PLCZ1: variants seen among roughly 807,000 people sequenced by gnomAD.
The protein encoded by PLCZ1 is phospholipase C zeta 1.
Under a neutral mutation model 76.8 loss-of-function variants are expected in PLCZ1, and 64 were observed. That is an observed-to-expected ratio of 0.83 (90% CI 0.68 to 1.03). The LOEUF (loss-of-function observed/expected upper bound fraction) is 1.03. Ranked by LOEUF, PLCZ1 falls within the 50% of genes least tolerant of loss-of-function variation. The pLI is 0.00. For missense variants in PLCZ1, 751 were observed against 713.7 expected, an observed-to-expected ratio of 1.05 and a Z score of -0.60; for synonymous variants, 248 against 230.8, an observed-to-expected ratio of 1.07 and a Z score of -0.68.
At chr12:18,683,520 CA>C in intron 14 of PLCZ1, 196 bp from the exon 15 acceptor site, 1 of 1,512,904 alleles carries the variant, frequency 6.6e-7, no homozygotes, top group Non-Finnish European at 8.9e-7. Flanking sequence ...CCTAACTGCC[CA>C]AAACTGAATA....
At chr12:18,730,295 AAT>A (rs1958971396) in intron 3 of PLCZ1, among the ~76,000 whole-genome samples, 1 of 152,124 alleles carries the variant, frequency 6.6e-6, no homozygotes, top group African/African-American at 2.4e-5. Context: ...TAAGCAGCTT[AAT>A]CTTCAGCTAT....
chr12:18,715,044 C>T (rs1166126282), intron 5 of PLCZ1, among the ~76,000 whole-genome samples: 1 of 151,488 alleles, frequency 6.6e-6, no homozygotes, highest in Non-Finnish European at 1.5e-5. Context: ...CATATGCAGT[C>T]CCTTTCTAGG....
At chr12:18,708,218 C>T (rs949528940) in intron 6 of PLCZ1, among the ~76,000 whole-genome samples, 2 of 152,160 alleles carry the variant, frequency 1.3e-5, no homozygotes, top group African/African-American at 4.8e-5. Flanking sequence ...GGTTATCTAT[C>T]TCTGTACATT....
intron 13 of PLCZ1, among the ~76,000 whole-genome samples, chr12:18,686,167 A>C (rs1353188308): frequency 1.3e-5 from 2 of 151,760 alleles, no homozygotes; most frequent in Admixed American, 6.6e-5. Flanking sequence ...CCTTTATACC[A>C]TGACTTTTAT....
At chr12:18,650,183 T>C in the PLCZ1 span, among the ~76,000 whole-genome samples, 1 of 151,878 alleles carries the variant, frequency 6.6e-6, no homozygotes, top group African/African-American at 2.4e-5. Context: ...AGGGAAAATA[T>C]TAGGGTTCTT....
chr12:18,687,982 T>C (rs1953420918), intron 13 of PLCZ1, 107 bp downstream of exon 13: 2 of 1,462,432 alleles, frequency 1.4e-6, no homozygotes, highest in African/African-American at 1.4e-5. Flanking sequence ...TGGAAAACCC[T>C]TGTCTTATGA....
intron 3 of PLCZ1, among the ~76,000 whole-genome samples, chr12:18,730,298 C>G (rs1361114560): frequency 6.6e-6 from 1 of 152,106 alleles, no homozygotes; most frequent in Non-Finnish European, 1.5e-5. Context: ...GCAGCTTAAT[C>G]TTCAGCTATC....
chr12:18,721,639 C>G (rs1292418697), intron 4 of PLCZ1, among the ~76,000 whole-genome samples: 4 of 151,570 alleles, frequency 2.6e-5, no homozygotes, highest in African/African-American at 9.7e-5. Context: ...CTGGTTGTTT[C>G]CAGTTGGCAA....
chr12:18,650,327 C>CTA, the PLCZ1 span, among the ~76,000 whole-genome samples: 1,950 of 79,068 alleles, frequency 0.025, 18 homozygotes, highest in Non-Finnish European at 0.032. Context: ...CTCTCTCTCT[C>CTA]TCTCTATATA....
At chr12:18,702,162 A>G (rs1172979161) in intron 7 of PLCZ1, among the ~76,000 whole-genome samples, 2 of 152,098 alleles carry the variant, frequency 1.3e-5, no homozygotes, top group Non-Finnish European at 2.9e-5. Context: ...TTCTTATCCA[A>G]CATTAAAAAG....
downstream of PLCZ1, chr12:18,683,176 G>GA: frequency 1.5e-6 from 2 of 1,351,944 alleles, no homozygotes; most frequent in Non-Finnish European, 2.1e-6. Context: ...AAAACATAAA[G>GA]ACATTCATTT....
At chr12:18,699,738 T>C in intron 10 of PLCZ1, 56 bp downstream of exon 10, 3 of 1,488,250 alleles carry the variant, frequency 2.0e-6, no homozygotes, top group Non-Finnish European at 2.8e-6. Flanking sequence ...CTTAACACCC[T>C]AGCAGTGAAT....
downstream of PLCZ1, among the ~76,000 whole-genome samples, chr12:18,678,988 C>T (rs1303655429): frequency 6.6e-6 from 1 of 152,030 alleles, no homozygotes; most frequent in Non-Finnish European, 1.5e-5. Context: ...TCCACATCCA[C>T]CTCAACATTT....
At chr12:18,668,430 T>A in the PLCZ1 span, among the ~76,000 whole-genome samples, 2 of 152,154 alleles carry the variant, frequency 1.3e-5, no homozygotes, top group Non-Finnish European at 2.9e-5. Context: ...AGAAATCAAA[T>A]GGAACCCAAC....
intron 10 of PLCZ1, among the ~76,000 whole-genome samples, chr12:18,697,880 T>C (rs1294671292): frequency 8.9e-6 from 1 of 111,810 alleles, no homozygotes; most frequent in East Asian, 2.6e-4. Context: ...TCATTGATTA[T>C]TTACTATAAC....
chr12:18,721,713 A>G (rs575409453), intron 4 of PLCZ1, among the ~76,000 whole-genome samples: 2 of 138,494 alleles, frequency 1.4e-5, no homozygotes, highest in South Asian at 4.7e-4. Context: ...AAGTCTTGCT[A>G]TTAAAAAAAA....
intron 3 of PLCZ1, among the ~76,000 whole-genome samples, chr12:18,735,461 A>G (rs1230506904): frequency 6.6e-6 from 1 of 152,088 alleles, no homozygotes; most frequent in African/African-American, 2.4e-5. Flanking sequence ...GCTGGTCTCA[A>G]ACTCCTAGCC....
At chr12:18,694,085 G>A in intron 12 of PLCZ1, 1 of 1,179,102 alleles carries the variant, frequency 8.5e-7, no homozygotes, top group South Asian at 1.3e-5. Flanking sequence ...CACCCCTGAG[G>A]GGCTGTATCT....
chr12:18,671,187 T>TAAAA, the PLCZ1 span, among the ~76,000 whole-genome samples: 1 of 134,122 alleles, frequency 7.5e-6, no homozygotes, highest in Non-Finnish European at 1.6e-5. Context: ...AGACTCCATC[T>TAAAA]AAAAAAAAAA....
Sources: allele counts gnomAD v4.1 joint callset (sites outside exome capture counted in the v4.1 genomes callset), GRCh38; gene constraint gnomAD v4.1.1; transcripts MANE v1.5; gene names NCBI Gene and HGNC (gene_info 2026-07-23, HGNC 2026-07-21).